Variants in PARD3B observed in about 807,000 individuals in gnomAD.
The protein encoded by PARD3B is par-3 family cell polarity regulator beta, also known as partitioning defective 3 homolog B.
A neutral mutation model predicts 130.2 loss-of-function variants in PARD3B; 103 were observed. That is an observed-to-expected ratio of 0.79 (90% confidence interval 0.67 to 0.93). The LOEUF is 0.93. Ranked by LOEUF, PARD3B falls within the 40% of genes least tolerant of loss-of-function variation. The pLI, the probability that PARD3B is intolerant of heterozygous loss-of-function variation, is 0.00. For missense variants in PARD3B, 1,609 were observed against 1,499.2 expected, an observed-to-expected ratio of 1.07 and a Z score of -1.21; for synonymous variants, 583 against 553.2, an observed-to-expected ratio of 1.05 and a Z score of -0.76.
chr2:205,328,523 A>G lies in PARD3B; in HGVS notation c.2630+26822A>G, dbSNP rs182703343. Among the ~76,000 whole-genome samples the G allele has an allele frequency of 9.0e-4, 137 of 152,290 alleles. 2 individuals carry two copies. The highest frequency in any genetic ancestry group is 4.3e-4 in the Non-Finnish European group (29 of 68,008). On this transcript the variant is annotated intron_variant, in intron 18 of 22. Coordinates refer to ENST00000406610, the MANE Select transcript of PARD3B (RefSeq NM_001302769.2). ...TAGAAAACTTCTTATATTAAAAATA[A>G]CAGAAATAGAGTAATATTAAAGTAA...
At chr2:204,700,519 A>G (rs111929318) in intron 2 of PARD3B, among the ~76,000 whole-genome samples, 417 of 152,256 alleles carry the variant, frequency 2.7e-3, no homozygotes, top group African/African-American at 9.3e-3. Context: ...TTTGACACGC[A>G]ATCTTTTATT....
At chr2:204,886,448 C>T (rs2046273303) in intron 2 of PARD3B, among the ~76,000 whole-genome samples, 1 of 152,128 alleles carries the variant, frequency 6.6e-6, no homozygotes, top group Non-Finnish European at 1.5e-5. Flanking sequence ...TTAGTAAATT[C>T]CTGAGTGTTG....
chr2:205,207,717 C>T (rs1358394451), intron 15 of PARD3B, among the ~76,000 whole-genome samples: 14 of 132,906 alleles, frequency 1.1e-4, no homozygotes, highest in African/African-American at 3.4e-4. Context: ...GAAATTGTGG[C>T]GATAATCAAT....
Position 205,265,673 on chromosome 2 carries a change from G to C in PARD3B, c.2185+19851G>C, listed in dbSNP as rs2040475710. Among the ~76,000 whole-genome samples the C allele has an allele frequency of 6.6e-6, 1 of 151,940 alleles. No individual in the cohort carries two copies. The highest frequency in any genetic ancestry group is 6.6e-5 in the Admixed American group (1 of 15,236). On this transcript the variant is annotated intron_variant, in intron 16 of 22. Transcript: ENST00000406610. The surrounding 1 kb of genome is among the most constrained non-coding windows in gnomAD (Gnocchi z 4.3). ...AACAATATTTTATAGGAAAACATTAGTAACAAGAGAGATATCTTAATTTTT... is the reference window on the plus strand; with the variant it reads ...AACAATATTTTATAGGAAAACATTACTAACAAGAGAGATATCTTAATTTTT...
At chr2:205,541,588 A>G (rs994000706) in intron 21 of PARD3B, among the ~76,000 whole-genome samples, 6 of 151,704 alleles carry the variant, frequency 4.0e-5, no homozygotes, top group South Asian at 2.1e-4. Flanking sequence ...GCCTCAAGTG[A>G]TTGCCCGCCT....
At chr2:204,904,821 T>C (rs891606347) in intron 2 of PARD3B, among the ~76,000 whole-genome samples, 1 of 152,208 alleles carries the variant, frequency 6.6e-6, no homozygotes, top group African/African-American at 2.4e-5. Context: ...TCATGTGCAT[T>C]TATGTTCTTC....
chr2:204,716,577 C>T (rs942224532), intron 2 of PARD3B, among the ~76,000 whole-genome samples: 8 of 149,830 alleles, frequency 5.3e-5, no homozygotes, highest in Non-Finnish European at 1.0e-4. Context: ...GATGCAAAAG[C>T]AGTTGCTGTT....
chr2:204,668,671 C>G (rs544414777), intron 1 of PARD3B, among the ~76,000 whole-genome samples: 1 of 152,170 alleles, frequency 6.6e-6, no homozygotes, highest in South Asian at 2.1e-4. Context: ...GTTAAGACAC[C>G]TTTTTCATAA....
intron 2 of PARD3B, among the ~76,000 whole-genome samples, chr2:204,771,903 A>G (rs983791198): frequency 6.6e-6 from 1 of 152,042 alleles, no homozygotes; most frequent in Non-Finnish European, 1.5e-5. Context: ...AAGACCTGTA[A>G]TTTTAATATG....
chr2:205,084,451 C>T (rs1701622173), intron 4 of PARD3B, among the ~76,000 whole-genome samples: 2 of 152,034 alleles, frequency 1.3e-5, no homozygotes, highest in South Asian at 4.1e-4. Context: ...TGTCTTATTG[C>T]TGCACAGGGT....
In PARD3B at chr2:205,281,285, G is replaced by T. The variant is rs574519380; in HGVS notation, c.2186-19245G>T. On this transcript the variant is annotated intron_variant, in intron 16 of 22. Transcript: ENST00000406610. This position sits in a 1 kb window ranked among gnomAD's most constrained non-coding sequence, Gnocchi z 4.2. ...AATAAACATCTACTTTAGCATCTCA[G>T]GTACTGAAAAGAATTTGAAAATTAG... Among the ~76,000 whole-genome samples the T allele has an allele frequency of 3.4e-4, 52 of 152,268 alleles. No individual in the cohort carries two copies. Among genetic ancestry groups the T allele is most frequent in the African/African-American group, 1.2e-3 (48 of 41,548 alleles).
chr2:204,691,266 C>G (rs1056768044), intron 2 of PARD3B, among the ~76,000 whole-genome samples: 1 of 152,198 alleles, frequency 6.6e-6, no homozygotes, highest in East Asian at 1.9e-4. Flanking sequence ...ACATGGCAGT[C>G]TATCACATCT....
intron 5 of PARD3B, among the ~76,000 whole-genome samples, chr2:205,110,724 T>A (rs1188139170): frequency 6.6e-6 from 1 of 152,046 alleles, no homozygotes; most frequent in African/African-American, 2.4e-5. Flanking sequence ...ATTTTCCATT[T>A]TAAACCAACC....
At chr2:205,273,746 CCTA>C (rs1172818244) in intron 16 of PARD3B, among the ~76,000 whole-genome samples, 1 of 152,216 alleles carries the variant, frequency 6.6e-6, no homozygotes, top group African/African-American at 2.4e-5. Context: ...CTGTTAAATG[CCTA>C]CCTTGTGCTG....
chr2:204,749,520 C>T (rs1330594142), intron 2 of PARD3B, among the ~76,000 whole-genome samples: 1 of 151,996 alleles, frequency 6.6e-6, no homozygotes, highest in East Asian at 1.9e-4. Flanking sequence ...AATTTGGCAC[C>T]CACCAATTTG....
At chr2:204,926,622 C>T (rs1011925449) in intron 2 of PARD3B, among the ~76,000 whole-genome samples, 4 of 152,060 alleles carry the variant, frequency 2.6e-5, no homozygotes, top group African/African-American at 9.7e-5. Context: ...AGCATTTTAC[C>T]CTTATTATTT....
intron 3 of PARD3B, among the ~76,000 whole-genome samples, chr2:204,970,311 G>A (rs184657478): frequency 3.6e-4 from 55 of 152,310 alleles, no homozygotes; most frequent in Admixed American, 2.1e-3. Flanking sequence ...ATCAGGATAA[G>A]TCATTTAACC....
chr2:204,563,275 T>C (rs2031463716), intron 1 of PARD3B, among the ~76,000 whole-genome samples: 1 of 117,336 alleles, frequency 8.5e-6, no homozygotes. Flanking sequence ...CTTTCTCTCT[T>C]CTCCCTTTAT....
At chr2:204,762,773 T>G (rs1574920164) in intron 2 of PARD3B, among the ~76,000 whole-genome samples, 1 of 144,916 alleles carries the variant, frequency 6.9e-6, no homozygotes, top group South Asian at 2.2e-4. Context: ...TTTTTTTTTT[T>G]TTTTGAGACA....
Sources: gnomAD v4.1 joint callset for allele counts (sites outside exome capture counted in the v4.1 genomes callset) on GRCh38, gnomAD v4.1.1 for gene constraint, Gnocchi (gnomAD v3.1) non-coding constraint, MANE v1.5 for transcripts, NCBI Gene and HGNC (gene_info 2026-07-23, HGNC 2026-07-21) for gene names.